VSNL1: variants seen among roughly 807,000 people sequenced by gnomAD.
The protein encoded by VSNL1 is visinin like 1, also known as visinin-like protein 1.
Under a neutral mutation model 20.4 loss-of-function variants are expected in VSNL1, and 6 were observed. The observed-to-expected ratio is 0.29, with a 90% CI of 0.16 to 0.58. The LOEUF (loss-of-function observed/expected upper bound fraction) is 0.58. Ranked by LOEUF, VSNL1 falls within the 20% of genes least tolerant of loss-of-function variation. The probability of loss-of-function intolerance (pLI) is 0.90; values close to 1 mark genes in which losing one functional copy is unlikely to be tolerated. For synonymous variants in VSNL1, 93 were observed against 86.4 expected (o/e 1.08, Z -0.42); for missense variants, 100 against 234.5 (o/e 0.43, Z 3.75).
intron 1 of VSNL1, among the ~76,000 whole-genome samples, chr2:17,560,439 A>G (rs1270193570): frequency 6.6e-6 from 1 of 152,138 alleles, no homozygotes; most frequent in Admixed American, 6.5e-5. Flanking sequence ...ATGGAACAAA[A>G]TAGAGTATTC....
intron 3 of VSNL1, among the ~76,000 whole-genome samples, chr2:17,652,120 A>G (rs2710664): frequency 0.35 from 53,938 of 151,976 alleles, 10,490 homozygotes; most frequent in African/African-American, 0.48. Flanking sequence ...AACCAGCCCC[A>G]TGTGTTGTGA....
chr2:17,598,191 A>C (rs1260420237), intron 2 of VSNL1, among the ~76,000 whole-genome samples: 1 of 152,250 alleles, frequency 6.6e-6, no homozygotes, highest in East Asian at 1.9e-4. Context: ...AAAACCTACT[A>C]CGTGGAATAA....
intron 2 of VSNL1, among the ~76,000 whole-genome samples, chr2:17,620,546 A>G (rs1450213344): frequency 6.6e-6 from 1 of 152,222 alleles, no homozygotes; most frequent in Non-Finnish European, 1.5e-5. Flanking sequence ...CCTCCAGCCC[A>G]GGATTCCTCA....
At chr2:17,629,075 A>G (rs753977453) in intron 2 of VSNL1, among the ~76,000 whole-genome samples, 4 of 152,224 alleles carry the variant, frequency 2.6e-5, no homozygotes, top group African/African-American at 4.8e-5. Flanking sequence ...CTGTCTCTGC[A>G]TCTTCCTTGG....
chr2:17,571,789 A>T (rs901902021), intron 1 of VSNL1, among the ~76,000 whole-genome samples: 5 of 152,248 alleles, frequency 3.3e-5, no homozygotes, highest in African/African-American at 1.2e-4. Context: ...CAAGGTAATT[A>T]TATAGTCACT....
rs1266760171 is a variant in VSNL1 at position 17,649,258 on chromosome 2, C to T, written c.163-152C>T. On this transcript the variant is annotated intron_variant, in intron 2 of 3. Coordinates refer to ENST00000295156, the MANE Select transcript of VSNL1 (RefSeq NM_003385.5). The surrounding 1 kb of genome is among the most constrained non-coding windows in gnomAD (Gnocchi z 6.4). ...GTGAGAAAGCCTCCCCTAATGCCTG[C>T]CCTTGCCCTTGACAGTCAGGCCAAA... is the stretch of plus-strand genomic sequence containing the variant. 5.7e-6 allele frequency: 4 copies of T among 698,226 alleles called. No homozygotes were observed. The highest frequency in any genetic ancestry group is 1.0e-5 in the Non-Finnish European group (4 of 401,584). The allele number at this position is 698,226 out of a possible 1,614,324, so 43.3% of individuals were successfully genotyped here.
chr2:17,617,284 C>T (rs1198835508), intron 2 of VSNL1, among the ~76,000 whole-genome samples: 1 of 152,140 alleles, frequency 6.6e-6, no homozygotes, highest in African/African-American at 2.4e-5. Context: ...CCCCTGAGGT[C>T]AGGAGTTCAA....
At position 17,609,619 on chromosome 2, in the gene VSNL1, C is replaced by A. The variant is rs955343823; in HGVS notation, c.162+17383C>A. Among the ~76,000 whole-genome samples, 13 of 152,320 alleles carry A rather than the reference C, an allele frequency of 8.5e-5. No individual in the cohort carries two copies. The South Asian group carries it at 2.7e-3, about 32-fold the overall frequency. ...CCTAACAAGCAGGAATGGACTCACT[C>A]TGTATGCTTCTGCATTATCAAGAGT... On this transcript the variant is annotated intron_variant, in intron 2 of 3. Transcript: ENST00000295156.
At chr2:17,551,077 A>G (rs917868246) in intron 1 of VSNL1, among the ~76,000 whole-genome samples, 1 of 152,182 alleles carries the variant, frequency 6.6e-6, no homozygotes, top group Non-Finnish European at 1.5e-5. Flanking sequence ...GGAGTTTGGA[A>G]CTTCCCAGTC....
At chr2:17,648,056 T>C (rs1202075611) in intron 2 of VSNL1, among the ~76,000 whole-genome samples, 8 of 152,216 alleles carry the variant, frequency 5.3e-5, no homozygotes, top group Non-Finnish European at 1.2e-4. Flanking sequence ...ATGATTGTTG[T>C]CATTTTAAGC....
chr2:17,618,556 C>T (rs1665274869), intron 2 of VSNL1, among the ~76,000 whole-genome samples: 1 of 152,184 alleles, frequency 6.6e-6, no homozygotes, highest in African/African-American at 2.4e-5. Context: ...TGTAAGGTAA[C>T]ATATTCACAG....
chr2:17,544,479 T>A (rs1663364522), intron 1 of VSNL1, among the ~76,000 whole-genome samples: 3 of 152,170 alleles, frequency 2.0e-5, no homozygotes, highest in Admixed American at 2.0e-4. Flanking sequence ...CACCTCCCCA[T>A]TACATGTGAG....
chr2:17,652,601 T>C (rs1331290767), intron 3 of VSNL1, among the ~76,000 whole-genome samples: 1 of 152,154 alleles, frequency 6.6e-6, no homozygotes, highest in Non-Finnish European at 1.5e-5. Context: ...AGAAGAAGAA[T>C]GGACAACAGG....
intron 2 of VSNL1, among the ~76,000 whole-genome samples, chr2:17,636,032 G>T (rs181658376): frequency 8.7e-4 from 133 of 152,050 alleles, no homozygotes; most frequent in African/African-American, 2.6e-3. Context: ...GGCATGGGGT[G>T]GGGGCGGGTG....
At position 17,568,348 on chromosome 2, in the gene VSNL1, A is replaced by G. The variant is rs1216960985; in HGVS notation, c.-5-23722A>G. Among the ~76,000 whole-genome samples, 5 of 152,166 alleles carry G rather than the reference A, an allele frequency of 3.3e-5. No individual in the cohort carries two copies. The East Asian group carries it at 9.7e-4, about 29-fold the overall frequency. On this transcript the variant is annotated intron_variant, in intron 1 of 3. Transcript: ENST00000295156. ...AGTGGTGCAATCTTGGCTCACTGCA[A>G]CCTCAACCTTCCAGCCTCTGGTGAT...
chr2:17,606,251 A>G (rs1431325043), intron 2 of VSNL1, among the ~76,000 whole-genome samples: 1 of 152,164 alleles, frequency 6.6e-6, no homozygotes, highest in African/African-American at 2.4e-5. Flanking sequence ...ACATTGACAT[A>G]AACGTCTGAT....
At chr2:17,630,772 T>A (rs996309444) in intron 2 of VSNL1, among the ~76,000 whole-genome samples, 1 of 152,088 alleles carries the variant, frequency 6.6e-6, no homozygotes, top group African/African-American at 2.4e-5. Flanking sequence ...CAAAACGGCA[T>A]TTTATTTTTT....
chr2:17,628,253 A>C (rs576369325), intron 2 of VSNL1, among the ~76,000 whole-genome samples: 1 of 152,250 alleles, frequency 6.6e-6, no homozygotes, highest in Admixed American at 6.5e-5. Context: ...TGGGTCTGGC[A>C]CATATTGGAT....
At chr2:17,621,828 C>T (rs2103403034) in intron 2 of VSNL1, among the ~76,000 whole-genome samples, 1 of 152,194 alleles carries the variant, frequency 6.6e-6, no homozygotes, top group South Asian at 2.1e-4. Context: ...TTTGTAGAGA[C>T]AGGGTCTTGC....
Sources: gnomAD v4.1 joint callset for allele counts (sites outside exome capture counted in the v4.1 genomes callset) on GRCh38, gnomAD v4.1.1 for gene constraint, Gnocchi (gnomAD v3.1) non-coding constraint, MANE v1.5 for transcripts, NCBI Gene and HGNC (gene_info 2026-07-23, HGNC 2026-07-21) for gene names.